Variants in RAPGEF2 observed in about 807,000 individuals in gnomAD.
RAPGEF2 encodes the protein PDZ domain containing guanine nucleotide exchange factor (GEF) 1.
RAPGEF2 carries 54 observed loss-of-function variants against 186.7 expected under a neutral mutation model. The observed-to-expected ratio is 0.29, with a 90% CI of 0.23 to 0.36. RAPGEF2 has a LOEUF of 0.36. Among genes scored for constraint, RAPGEF2 ranks in the 10% least tolerant of loss-of-function variants. The pLI is 1.00. For missense variants in RAPGEF2, 1,532 were observed against 2,045.0 expected (o/e 0.75, Z 4.84); for synonymous variants, 712 against 705.9 (o/e 1.01, Z -0.14).
intron 8 of RAPGEF2, among the ~76,000 whole-genome samples, chr4:159,312,976 C>T (rs530196017): frequency 5.9e-5 from 9 of 152,118 alleles, no homozygotes; most frequent in African/African-American, 9.6e-5. Context: ...GATGAAATCC[C>T]GTCTCTACTA....
chr4:159,140,895 G>A (rs768240880), intron 1 of RAPGEF2, among the ~76,000 whole-genome samples: 3 of 151,120 alleles, frequency 2.0e-5, no homozygotes, highest in Non-Finnish European at 2.9e-5. Flanking sequence ...GTAGTGGCGC[G>A]ATCTCAGCTC....
intron 3 of RAPGEF2, among the ~76,000 whole-genome samples, chr4:159,206,229 C>A (rs566911482): frequency 6.6e-6 from 1 of 152,190 alleles, no homozygotes; most frequent in Non-Finnish European, 1.5e-5. Flanking sequence ...CGCGCCCAGC[C>A]GCGCAGGATC....
intron 4 of RAPGEF2, among the ~76,000 whole-genome samples, chr4:159,236,930 T>A (rs1579554448): frequency 6.6e-6 from 1 of 152,376 alleles, no homozygotes; most frequent in East Asian, 1.9e-4. Context: ...TGTGTATGTT[T>A]GTGTGGGCAT....
intron 20 of RAPGEF2, among the ~76,000 whole-genome samples, chr4:159,342,408 G>A (rs1729593029): frequency 6.6e-6 from 1 of 151,380 alleles, no homozygotes; most frequent in Admixed American, 6.6e-5. Context: ...TAAGAGCTTA[G>A]ATTGAGGTTA....
In RAPGEF2 at chr4:159,343,397, A is replaced by G; in HGVS notation, c.3247A>G (p.Arg1083Gly). The part of the protein sequence containing the change: ...SVNMDPALMF[R>G]TRKKKWRSLG... Reference sequence around the variant, plus strand: ...GAACATGGACCCTGCCCTCATGTTCAGGACTCGGTGAGTATGTCATCTTCA... The same window carrying G: ...GAACATGGACCCTGCCCTCATGTTCGGGACTCGGTGAGTATGTCATCTTCA... Residue 1083 changes from arginine to glycine, a missense_variant, in exon 22 of 30, where the codon AGG becomes GGG. Coordinates refer to ENST00000691494, the MANE Select transcript of RAPGEF2 (RefSeq NM_001394067.2). 6.2e-7 allele frequency: 1 copy of G among 1,614,060 alleles called. No individual in the cohort carries two copies. The highest frequency in any genetic ancestry group is 8.5e-7 in the Non-Finnish European group (1 of 1,179,906).
chr4:159,278,067 T>C (rs1759167410), intron 7 of RAPGEF2, among the ~76,000 whole-genome samples: 1 of 152,240 alleles, frequency 6.6e-6, no homozygotes, highest in African/African-American at 2.4e-5. Flanking sequence ...CTAGGGTTTT[T>C]ATAGTTTTAG....
At chr4:159,284,712 G>A (rs1226863706) in intron 7 of RAPGEF2, among the ~76,000 whole-genome samples, 1 of 152,122 alleles carries the variant, frequency 6.6e-6, no homozygotes, top group East Asian at 1.9e-4. Context: ...TGGAATATAT[G>A]AAATATATAA....
chr4:159,234,949 A>G (rs1272793379), intron 4 of RAPGEF2, among the ~76,000 whole-genome samples: 1 of 152,084 alleles, frequency 6.6e-6, no homozygotes, highest in African/African-American at 2.4e-5. Context: ...TAGTAGAGAC[A>G]GGCTTTCACC....
chr4:159,193,280 A>G (rs1748301197), intron 3 of RAPGEF2, 24 bp downstream of exon 3: 1 of 1,427,316 alleles, frequency 7.0e-7, no homozygotes, highest in Non-Finnish European at 9.3e-7. Flanking sequence ...TTTTGTTTGT[A>G]CAATGTATCT....
intron 7 of RAPGEF2, among the ~76,000 whole-genome samples, chr4:159,280,986 C>CTTCTTTTTTTT (rs1554025029): frequency 7.0e-6 from 1 of 142,382 alleles, no homozygotes; most frequent in African/African-American, 2.6e-5. Flanking sequence ...TTAACTACTT[C>CTTCTTTTTTTT]TTTTTTTTTT....
intron 4 of RAPGEF2, among the ~76,000 whole-genome samples, chr4:159,230,402 C>A (rs907126393): frequency 6.6e-6 from 1 of 152,108 alleles, no homozygotes; most frequent in African/African-American, 2.4e-5. Flanking sequence ...CATATACACA[C>A]AAAGACTGAA....
At chr4:159,144,890 T>C (rs1364827756) in intron 1 of RAPGEF2, among the ~76,000 whole-genome samples, 1 of 55,988 alleles carries the variant, frequency 1.8e-5, no homozygotes, top group Admixed American at 1.9e-4. Flanking sequence ...TTTTTTTTTT[T>C]TTTTTTTTTT....
At chr4:159,234,801 C>G (rs1753052010) in intron 4 of RAPGEF2, among the ~76,000 whole-genome samples, 1 of 152,068 alleles carries the variant, frequency 6.6e-6, no homozygotes, top group Non-Finnish European at 1.5e-5. Context: ...GCTCTGTTAC[C>G]CAGGCTGGAG....
chr4:159,109,292 G>T (rs1738234014), intron 1 of RAPGEF2, among the ~76,000 whole-genome samples: 1 of 152,092 alleles, frequency 6.6e-6, no homozygotes, highest in South Asian at 2.1e-4. Flanking sequence ...AGGTGTTCAA[G>T]ACCAGCCTGG....
intron 1 of RAPGEF2, among the ~76,000 whole-genome samples, chr4:159,154,924 AG>A (rs1473562776): frequency 3.3e-5 from 5 of 152,208 alleles, no homozygotes; most frequent in African/African-American, 4.8e-5. Context: ...TTGTTTGCTT[AG>A]AGAGCCAATC....
At chr4:159,234,035 C>T (rs1333898357) in intron 4 of RAPGEF2, among the ~76,000 whole-genome samples, 1 of 151,834 alleles carries the variant, frequency 6.6e-6, no homozygotes, top group African/African-American at 2.4e-5. Context: ...TTTTTCATTT[C>T]TGTAAAAAAG....
intron 1 of RAPGEF2, among the ~76,000 whole-genome samples, chr4:159,182,739 T>C (rs1413281889): frequency 6.6e-6 from 1 of 152,220 alleles, no homozygotes; most frequent in Non-Finnish European, 1.5e-5. Flanking sequence ...ATCTAGTTAT[T>C]CTGTGAATTA....
intron 7 of RAPGEF2, among the ~76,000 whole-genome samples, chr4:159,273,473 A>G (rs1758367823): frequency 6.6e-6 from 1 of 151,380 alleles, no homozygotes; most frequent in Non-Finnish European, 1.5e-5. Context: ...ATTTTTAGTA[A>G]TGATCCATTA....
At chr4:159,203,469 G>A (rs1372353234) in intron 3 of RAPGEF2, among the ~76,000 whole-genome samples, 1 of 152,176 alleles carries the variant, frequency 6.6e-6, no homozygotes, top group Admixed American at 6.5e-5. Flanking sequence ...ATGTACACAG[G>A]GCACTGGGAA....
Sources: gnomAD v4.1 joint callset for allele counts (sites outside exome capture counted in the v4.1 genomes callset) on GRCh38, gnomAD v4.1.1 for gene constraint, MANE v1.5 for transcripts, NCBI Gene and HGNC (gene_info 2026-07-23, HGNC 2026-07-21) for gene names.